ARIH2: variants seen among roughly 807,000 people sequenced by gnomAD.
The protein encoded by ARIH2 is E3 ubiquitin-protein ligase ARIH2.
ARIH2 carries 12 observed loss-of-function variants against 79.8 expected under a neutral mutation model. The observed-to-expected ratio is 0.15, with a 90% CI of 0.10 to 0.24. ARIH2 has a LOEUF of 0.24. ARIH2 is among the 10% of genes least tolerant of loss of function. ARIH2 has a pLI of 1.00. For missense variants in ARIH2, 301 were observed against 618.3 expected, an observed-to-expected ratio of 0.49 and a Z score of 5.44; for synonymous variants, 224 against 213.9, an observed-to-expected ratio of 1.05 and a Z score of -0.41.
chr3:48,920,015 T>C (rs1363061144), intron 1 of ARIH2, among the ~76,000 whole-genome samples: 2 of 150,878 alleles, frequency 1.3e-5, no homozygotes, highest in Admixed American at 6.6e-5. Context: ...ACAAAGTTGC[T>C]GTCACCAGGC....
At chr3:48,927,332 T>A in intron 2 of ARIH2, 130 bp from the exon 3 acceptor site, 1 of 517,802 alleles carries the variant, frequency 1.9e-6, no homozygotes, top group Non-Finnish European at 3.4e-6. Context: ...AGATTCCCCA[T>A]GTGATACCAG....
chr3:48,956,554 C>T (rs907065901), intron 3 of ARIH2, among the ~76,000 whole-genome samples: 1 of 148,294 alleles, frequency 6.7e-6, no homozygotes, highest in African/African-American at 2.5e-5. Context: ...CCTCAGCCTC[C>T]TGAGTAGCTG....
chr3:48,949,949 A>G (rs1182575427), intron 3 of ARIH2, among the ~76,000 whole-genome samples: 1 of 151,848 alleles, frequency 6.6e-6, no homozygotes, highest in African/African-American at 2.4e-5. Context: ...CTTTTTTTAA[A>G]AAATTTTTCT....
intron 13 of ARIH2, 76 bp downstream of exon 13, chr3:48,980,572 GCT>G: frequency 6.5e-7 from 1 of 1,532,272 alleles, no homozygotes; most frequent in South Asian, 1.2e-5. Context: ...ATAGTGGGAA[GCT>G]CTGTTGAAAG....
intron 3 of ARIH2, chr3:48,934,681 G>A: frequency 4.1e-6 from 4 of 985,434 alleles, no homozygotes; most frequent in Non-Finnish European, 4.8e-6. Flanking sequence ...GTTTACTGAT[G>A]TGTAAATTCA....
At chr3:48,934,350 T>G in intron 3 of ARIH2, 1 of 910,290 alleles carries the variant, frequency 1.1e-6, no homozygotes, top group Non-Finnish European at 1.3e-6. Context: ...CAATTTTCTT[T>G]TATTCTGATA....
intron 3 of ARIH2, among the ~76,000 whole-genome samples, chr3:48,939,147 A>G (rs2087648678): frequency 6.6e-6 from 1 of 151,722 alleles, no homozygotes; most frequent in Non-Finnish European, 1.5e-5. Flanking sequence ...TTTGTATTTT[A>G]AGTAGAGGTG....
At chr3:48,933,228 A>G (rs1576178469) in intron 3 of ARIH2, among the ~76,000 whole-genome samples, 1 of 143,190 alleles carries the variant, frequency 7.0e-6, no homozygotes, top group Non-Finnish European at 1.5e-5. Flanking sequence ...TGCGCACCAC[A>G]TGCCCGGGTG....
In ARIH2 at chr3:48,918,914, C is replaced by G; in HGVS notation, c.-246C>G. 1.2e-6 allele frequency: 2 copies of G among 1,600,382 alleles called. No homozygotes were observed. The highest frequency in any genetic ancestry group is 1.3e-5 in the African/African-American group (1 of 74,928). On this transcript the variant is annotated 5_prime_UTR_variant, in exon 1 of 16. Coordinates refer to ENST00000356401, the MANE Select transcript of ARIH2 (RefSeq NM_006321.4). ...GGCGTCGGCCCGCCGCCTCCGCTGC[C>G]GCTTCGCCCCAATCCGGTCCCTCTG...
chr3:48,979,384 C>T, intron 11 of ARIH2, 98 bp from the exon 12 acceptor site: 1 of 1,366,054 alleles, frequency 7.3e-7, no homozygotes. Context: ...TTCAGGTGAC[C>T]CCTTTGGGAG....
chr3:48,966,269 A>C (rs765902168), intron 5 of ARIH2, among the ~76,000 whole-genome samples: 2 of 152,204 alleles, frequency 1.3e-5, no homozygotes, highest in Non-Finnish European at 2.9e-5. Flanking sequence ...AGGTTTCCAG[A>C]AGCAAAATGG....
chr3:48,953,219 C>T lies in ARIH2; in HGVS notation c.256-8393C>T, dbSNP rs182851943. Among the ~76,000 whole-genome samples the T allele has an allele frequency of 1.2e-4, 18 of 152,170 alleles. No homozygotes were observed. The East Asian group carries it at 3.1e-3, about 26-fold the overall frequency. On this transcript the variant is annotated intron_variant, in intron 3 of 15. Coordinates refer to ENST00000356401, the MANE Select transcript of ARIH2 (RefSeq NM_006321.4). The stretch of plus-strand genomic sequence containing the variant: ...TGCTGGCATTACAGGTGTAAGCCAC[C>T]GCGCCTGGCCAGCAATTCTGAGTAG...
rs60243443 is a variant in ARIH2 at position 48,983,606 on chromosome 3, CA to C, written c.*350del. On this transcript the variant is annotated 3_prime_UTR_variant, in exon 16 of 16. Coordinates refer to ENST00000356401, the MANE Select transcript of ARIH2 (RefSeq NM_006321.4). Reference sequence around the variant, plus strand: ...AACTTTCAAAGGTTGTACAATTATACAAAAAAAAAAAAAAGGCAAACTATAG... The same window carrying C: ...AACTTTCAAAGGTTGTACAATTATACAAAAAAAAAAAAAGGCAAACTATAG... 2,521 of 151,520 alleles carry C rather than the reference CA, an allele frequency of 0.017. 6 individuals are homozygous for C. Among genetic ancestry groups the C allele is most frequent in the Middle Eastern group, 0.031 (10 of 322 alleles). The allele number at this position is 151,520 out of a possible 1,614,324, so 9.4% of individuals were successfully genotyped here.
intron 3 of ARIH2, among the ~76,000 whole-genome samples, chr3:48,930,127 G>T (rs1415001677): frequency 6.6e-6 from 1 of 152,046 alleles, no homozygotes; most frequent in East Asian, 1.9e-4. Flanking sequence ...AAAGGTTGTG[G>T]CTCTTTTGGT....
chr3:48,972,311 A>G (rs2092281822), intron 8 of ARIH2, among the ~76,000 whole-genome samples: 1 of 152,188 alleles, frequency 6.6e-6, no homozygotes, highest in South Asian at 2.1e-4. Flanking sequence ...CTGAAACTAC[A>G]GATGCCCAGC....
chr3:48,936,811 C>T (rs1208301574), intron 3 of ARIH2, among the ~76,000 whole-genome samples: 2 of 151,770 alleles, frequency 1.3e-5, no homozygotes, highest in African/African-American at 4.8e-5. Context: ...GGGCGGATCA[C>T]GAGGTCAGGA....
At chr3:48,939,855 G>T (rs542621553) in intron 3 of ARIH2, among the ~76,000 whole-genome samples, 97 of 150,630 alleles carry the variant, frequency 6.4e-4, no homozygotes, top group Non-Finnish European at 1.2e-3. Context: ...ATACAATTCA[G>T]TGGCATTTAG....
intron 13 of ARIH2, 26 bp downstream of exon 13, chr3:48,980,522 C>T: frequency 1.2e-6 from 2 of 1,610,810 alleles, no homozygotes; most frequent in East Asian, 2.2e-5. Flanking sequence ...CTCATCTTAT[C>T]CCTGGTCCAG....
At chr3:48,983,073 G>A in intron 15 of ARIH2, 94 bp downstream of exon 15, 1 of 1,498,490 alleles carries the variant, frequency 6.7e-7, no homozygotes, top group Non-Finnish European at 9.3e-7. Context: ...ACTGGTAGCT[G>A]CTGCTAAGAA....
Sources: allele counts gnomAD v4.1 joint callset (sites outside exome capture counted in the v4.1 genomes callset), GRCh38; gene constraint gnomAD v4.1.1; transcripts MANE v1.5; gene names NCBI Gene and HGNC (gene_info 2026-07-23, HGNC 2026-07-21).